UBE3C: variants seen among roughly 807,000 people sequenced by gnomAD.
UBE3C encodes ubiquitin protein ligase E3C, also known as ubiquitin-protein ligase E3C.
UBE3C carries 42 observed loss-of-function variants against 129.4 expected under a neutral mutation model. The observed-to-expected ratio is 0.32, with a 90% CI of 0.25 to 0.42. The LOEUF (loss-of-function observed/expected upper bound fraction) is 0.42, where lower values mean the gene tolerates loss of function less well. Ranked by LOEUF, UBE3C falls within the 10% of genes least tolerant of loss-of-function variation. UBE3C has a pLI of 1.00. For synonymous variants in UBE3C, 510 were observed against 492.4 expected (o/e 1.04, Z -0.47); for missense variants, 1,049 against 1,319.1 (o/e 0.80, Z 3.17).
rs142708581 is a variant in UBE3C, at chr7:157,178,835, A to G, written c.604A>G (p.Met202Val). 5.0e-5 allele frequency: 80 copies of G among 1,614,026 alleles called. No homozygotes were observed. The highest frequency in any genetic ancestry group is 6.7e-5 in the East Asian group (3 of 44,890). The change falls in exon 6 of 23, where the codon ATG (methionine) becomes GTG (valine). Residue 202 changes from methionine to valine, a missense_variant. By Grantham distance (21) the Met-to-Val change is conservative. This residue lies in a region of UBE3C where 489 missense variants were observed against 513.8 expected (regional missense o/e 0.95). Coordinates refer to ENST00000348165, the MANE Select transcript of UBE3C (RefSeq NM_014671.3). Reference sequence around the variant, plus strand: ...AGTGATTGAACAAATTTTGCACTACATGATTCACAATGGTAAGTAGTAGGC... The same window carrying G: ...AGTGATTGAACAAATTTTGCACTACGTGATTCACAATGGTAAGTAGTAGGC... ...VSVIEQILHY[M>V]IHNGYYRSLY...
At chr7:157,182,353 C>T in intron 8 of UBE3C, 25 bp downstream of exon 8, 2 of 1,607,390 alleles carry the variant, frequency 1.2e-6, no homozygotes, top group Non-Finnish European at 1.7e-6. Context: ...ATCTTTTTTA[C>T]CTGAACACAC....
intron 1 of UBE3C, among the ~76,000 whole-genome samples, chr7:157,155,118 T>C (rs1807866346): frequency 6.6e-6 from 1 of 152,186 alleles, no homozygotes. Context: ...ATTTGTGAAA[T>C]TGGCGGTTCT....
chr7:157,164,550 G>A (rs988083249), intron 2 of UBE3C: 1 of 430,960 alleles, frequency 2.3e-6, no homozygotes, highest in Admixed American at 2.6e-5. Context: ...AGACACTAAT[G>A]ACATTTTTAT....
intron 1 of UBE3C, among the ~76,000 whole-genome samples, chr7:157,143,236 G>A (rs1807507590): frequency 6.6e-6 from 1 of 152,144 alleles, no homozygotes; most frequent in South Asian, 2.1e-4. Context: ...CACACTGATA[G>A]CATGATGCAG....
At chr7:157,236,504 A>C (rs923342381) in intron 18 of UBE3C, among the ~76,000 whole-genome samples, 1 of 152,164 alleles carries the variant, frequency 6.6e-6, no homozygotes, top group Non-Finnish European at 1.5e-5. Context: ...GTGTGCATTT[A>C]ATGTATTCTG....
intron 1 of UBE3C, among the ~76,000 whole-genome samples, chr7:157,154,941 C>T (rs1475205620): frequency 6.6e-6 from 1 of 152,164 alleles, no homozygotes; most frequent in Non-Finnish European, 1.5e-5. Context: ...AAATGAAATG[C>T]TGTTAATGCA....
At chr7:157,237,177 C>T (rs901017284) in intron 18 of UBE3C, among the ~76,000 whole-genome samples, 7 of 152,174 alleles carry the variant, frequency 4.6e-5, no homozygotes, top group African/African-American at 1.7e-4. Flanking sequence ...TGCAGTGGCT[C>T]ATGCCTGTAA....
At chr7:157,154,620 A>G (rs1467790654) in intron 1 of UBE3C, among the ~76,000 whole-genome samples, 3 of 152,148 alleles carry the variant, frequency 2.0e-5, no homozygotes, top group Non-Finnish European at 4.4e-5. Context: ...ATACATATAA[A>G]TTGTCTTTAG....
intron 3 of UBE3C, among the ~76,000 whole-genome samples, 184 bp from the exon 4 acceptor site, chr7:157,170,120 T>G (rs1358334815): frequency 2.0e-5 from 3 of 151,362 alleles, no homozygotes; most frequent in Non-Finnish European, 4.4e-5. Flanking sequence ...ATGCCTGGTT[T>G]TTTTTTTTTT....
At chr7:157,197,932 GT>G (rs1443468188) in intron 10 of UBE3C, 2 of 1,607,868 alleles carry the variant, frequency 1.2e-6, no homozygotes, top group Non-Finnish European at 8.5e-7. Flanking sequence ...AGCCTTCCAA[GT>G]TTTTGCCCTT....
intron 1 of UBE3C, among the ~76,000 whole-genome samples, chr7:157,151,839 A>T (rs1418476437): frequency 1.3e-5 from 2 of 152,176 alleles, no homozygotes; most frequent in Non-Finnish European, 2.9e-5. Context: ...AGGTAGCCAC[A>T]TCATGACAGG....
At chr7:157,235,342 G>A (rs2116647535) in intron 18 of UBE3C, among the ~76,000 whole-genome samples, 1 of 152,276 alleles carries the variant, frequency 6.6e-6, no homozygotes, top group Middle Eastern at 3.4e-3. Context: ...TAAACTTGGT[G>A]GTTTTTACAC....
Position 157,178,784 on chromosome 7 carries a change from T to C in UBE3C, c.553T>C (p.Leu185=), listed in dbSNP as rs138630916. ...FSSENTYLPV[L]QDASYVVSVI... Reference sequence around the variant, plus strand: ...GTCTGAGAATACTTACTTGCCTGTTTTACAAGATGCTAGCTATGTGGTGTC... The same window carrying C: ...GTCTGAGAATACTTACTTGCCTGTTCTACAAGATGCTAGCTATGTGGTGTC... Residue 185 remains leucine (L), a synonymous_variant, in exon 6 of 23, where the codon TTA becomes CTA. Transcript: ENST00000348165. The C allele has an allele frequency of 2.0e-4, 325 of 1,614,096 alleles. No individual in the cohort carries two copies. Among genetic ancestry groups the C allele is most frequent in the Non-Finnish European group, 2.6e-4 (308 of 1,180,038 alleles).
At chr7:157,187,559 T>G (rs538620620) in intron 10 of UBE3C, among the ~76,000 whole-genome samples, 19 of 150,872 alleles carry the variant, frequency 1.3e-4, no homozygotes, top group African/African-American at 3.9e-4. Flanking sequence ...TTTTTTGTTT[T>G]TGTGTGTGTG....
intron 19 of UBE3C, among the ~76,000 whole-genome samples, chr7:157,253,273 A>G (rs949813176): frequency 6.6e-6 from 1 of 152,234 alleles, no homozygotes; most frequent in Non-Finnish European, 1.5e-5. Flanking sequence ...GGGGGACAGT[A>G]AGACCCAGGT....
chr7:157,244,235 A>G (rs550609234), intron 18 of UBE3C, among the ~76,000 whole-genome samples: 4 of 152,154 alleles, frequency 2.6e-5, no homozygotes, highest in African/African-American at 7.2e-5. Context: ...CTCCGTCTCG[A>G]AAAAAAAGAA....
intron 1 of UBE3C, among the ~76,000 whole-genome samples, chr7:157,144,017 A>G (rs1355731532): frequency 6.6e-6 from 1 of 152,218 alleles, no homozygotes; most frequent in Non-Finnish European, 1.5e-5. Flanking sequence ...CTGCACAGAC[A>G]CAGTGAGTCC....
chr7:157,159,415 C>T (rs965237430), intron 1 of UBE3C, among the ~76,000 whole-genome samples: 6 of 152,036 alleles, frequency 3.9e-5, no homozygotes, highest in Admixed American at 3.3e-4. Flanking sequence ...CAGTCTCCCC[C>T]TACCCTGTTT....
At chr7:157,256,514 G>C (rs1361435559) in intron 21 of UBE3C, among the ~76,000 whole-genome samples, 1 of 151,906 alleles carries the variant, frequency 6.6e-6, no homozygotes, top group Admixed American at 6.6e-5. Flanking sequence ...ATTGGCGGTG[G>C]GTGGGGTGGG....
Sources: allele counts gnomAD v4.1 joint callset (sites outside exome capture counted in the v4.1 genomes callset), GRCh38; gene constraint gnomAD v4.1.1; regional missense constraint gnomAD v4.1.1; transcripts MANE v1.5; gene names NCBI Gene and HGNC (gene_info 2026-07-23, HGNC 2026-07-21).